Variants in LINGO1 observed in about 807,000 individuals in gnomAD.
LINGO1 encodes leucine-rich repeat and immunoglobulin-like domain-containing nogo receptor-interacting protein 1.
LINGO1 carries 11 observed loss-of-function variants against 37.3 expected under a neutral mutation model. The ratio of observed to expected loss-of-function variants is 0.29; its 90% CI spans 0.19 to 0.49. The LOEUF is 0.49. Ranked by LOEUF, LINGO1 falls within the 20% of genes least tolerant of loss-of-function variation. The pLI is 0.99. For synonymous variants in LINGO1, 387 were observed against 403.0 expected, an observed-to-expected ratio of 0.96 and a Z score of 0.48; for missense variants, 585 against 878.2, an observed-to-expected ratio of 0.67 and a Z score of 4.22.
At chr15:77,633,845 T>G (rs1410976819), upstream of LINGO1, among the ~76,000 whole-genome samples, 1 of 152,178 alleles carries the variant, frequency 6.6e-6, no homozygotes, top group African/African-American at 2.4e-5. Context: ...AGGGATGTCT[T>G]GGCAAAGCCT....
chr15:77,686,028 T>C (rs946979728), intron 2 of LINGO1, among the ~76,000 whole-genome samples: 1 of 152,134 alleles, frequency 6.6e-6, no homozygotes, highest in Non-Finnish European at 1.5e-5. Context: ...GCCCGGCTAT[T>C]TGGAAGCAGC....
upstream of LINGO1, among the ~76,000 whole-genome samples, chr15:77,696,749 A>G (rs965031313): frequency 1.3e-5 from 2 of 152,180 alleles, no homozygotes; most frequent in Non-Finnish European, 2.9e-5. Flanking sequence ...TAGGAGCTTC[A>G]GTTTTAGGAG....
At chr15:77,813,001 G>A (rs1019843558) in intron 1 of LINGO1, among the ~76,000 whole-genome samples, 2 of 152,240 alleles carry the variant, frequency 1.3e-5, no homozygotes, top group African/African-American at 4.8e-5. Flanking sequence ...GGCACTGCAT[G>A]ACCCGGATCA....
Position 77,692,862 on chromosome 15 carries a change from C to A in LINGO1, c.-280-1961G>T, listed in dbSNP as rs78712785. Among the ~76,000 whole-genome samples, 616 of 152,358 alleles carry A rather than the reference C, an allele frequency of 4.0e-3. 7 individuals are homozygous for A. Among genetic ancestry groups the A allele is most frequent in the African/African-American group, 0.014 (592 of 41,582 alleles). On this transcript the variant is annotated intron_variant, in intron 1 of 3. Transcript: ENST00000559893. ...GGCCTCTGCCTCTAGCCCCAGCCAGCCCCATTCCACAGGTGGAGCAACGGA... is the reference window on the plus strand; with the variant it reads ...GGCCTCTGCCTCTAGCCCCAGCCAGACCCATTCCACAGGTGGAGCAACGGA...
chr15:77,746,943 C>G (rs1372556396), intron 1 of LINGO1, among the ~76,000 whole-genome samples: 1 of 152,110 alleles, frequency 6.6e-6, no homozygotes, highest in African/African-American at 2.4e-5. Flanking sequence ...GACCAAAACC[C>G]CCATTGGACA....
At chr15:77,785,221 C>T (rs553906275) in intron 1 of LINGO1, among the ~76,000 whole-genome samples, 2 of 152,288 alleles carry the variant, frequency 1.3e-5, no homozygotes, top group East Asian at 3.9e-4. Context: ...CCTCCCAGCC[C>T]TCTCAGCCCA....
At position 77,680,429 on chromosome 15, in the gene LINGO1, G is replaced by C. The variant is rs60953548; in HGVS notation, c.-98-3255C>G. On this transcript the variant is annotated intron_variant, in intron 2 of 3. Transcript: ENST00000559893. ...CTTGCTGCATATGTTGTTAGAACAC[G>C]TTTGGGTGACTTTCTGAGTGAGAGA... 2.0e-4 allele frequency among the ~76,000 whole-genome samples: 30 copies of C among 152,360 alleles called. No homozygotes were observed. In the East Asian group the frequency reaches 4.8e-3, roughly 24 times the overall value.
intron 1 of LINGO1, among the ~76,000 whole-genome samples, chr15:77,626,383 A>G (rs936889635): frequency 2.6e-5 from 4 of 152,220 alleles, no homozygotes; most frequent in African/African-American, 9.7e-5. Flanking sequence ...GCAGATTATA[A>G]ATAAAACACT....
chr15:77,761,309 C>T (rs1278459978), intron 1 of LINGO1, among the ~76,000 whole-genome samples: 3 of 152,032 alleles, frequency 2.0e-5, no homozygotes, highest in Admixed American at 6.6e-5. Context: ...ATACAGGGAC[C>T]CACCACCAAA....
In LINGO1 at chr15:77,783,799, C is replaced by T. The variant is rs372141181; in HGVS notation, c.-257+3070G>A. 4.4e-4 allele frequency among the ~76,000 whole-genome samples: 67 copies of T among 152,326 alleles called. No individual in the cohort carries two copies. The East Asian group carries it at 0.01, about 23-fold the overall frequency. On this transcript the variant is annotated intron_variant, in intron 1 of 3. Coordinates refer to the LINGO1 transcript ENST00000561686. ...AAAGCAGGGAAGCTAGACCCAAATC[C>T]AGGCTCGCCTGACTCAGGAGCCAGT...
chr15:77,817,865 C>T (rs996282296), intron 1 of LINGO1, among the ~76,000 whole-genome samples: 1 of 152,228 alleles, frequency 6.6e-6, no homozygotes, highest in Non-Finnish European at 1.5e-5. Context: ...ACCGGTCCTG[C>T]ATTCTCACAA....
In LINGO1 at chr15:77,742,096, G is replaced by T. The variant is rs541958078; in HGVS notation, c.-256-7043C>A. On this transcript the variant is annotated intron_variant, in intron 1 of 3. Transcript: ENST00000561686. ...GGGCGGGGCCTACTGCCAGGCACTG[G>T]TAAGATGAGAGGCCAGGCAGAGGGG... Among the ~76,000 whole-genome samples the T allele has an allele frequency of 4.6e-4, 70 of 152,334 alleles. 1 individual carries two copies. The highest frequency in any genetic ancestry group is 1.6e-3 in the African/African-American group (67 of 41,566).
intron 1 of LINGO1, among the ~76,000 whole-genome samples, chr15:77,808,584 G>A (rs944628696): frequency 4.6e-5 from 7 of 152,032 alleles, no homozygotes; most frequent in East Asian, 3.9e-4. Context: ...CACTGCCTTC[G>A]TCCCAGCTGC....
chr15:77,786,685 G>A (rs1245070269), intron 1 of LINGO1, among the ~76,000 whole-genome samples: 1 of 152,186 alleles, frequency 6.6e-6, no homozygotes, highest in Non-Finnish European at 1.5e-5. Flanking sequence ...CTCCTCGAAT[G>A]ACCTTGGCAA....
rs140742336 is a variant in LINGO1 at position 77,681,066 on chromosome 15, C to T, written c.-98-3892G>A. On this transcript the variant is annotated intron_variant, in intron 2 of 3. Coordinates refer to the LINGO1 transcript ENST00000559893. ...AAGACTTGGCTGCAGTGGAATCCACCCACCAAGAATCAACAGGTGTGACTG... is the reference window on the plus strand; with the variant it reads ...AAGACTTGGCTGCAGTGGAATCCACTCACCAAGAATCAACAGGTGTGACTG... Among the ~76,000 whole-genome samples the T allele has an allele frequency of 9.3e-3, 1,418 of 152,198 alleles. 10 individuals carry two copies. Among genetic ancestry groups the T allele is most frequent in the Non-Finnish European group, 0.015 (993 of 68,010 alleles).
chr15:77,786,477 G>C (rs972167703), intron 1 of LINGO1, among the ~76,000 whole-genome samples: 1 of 152,210 alleles, frequency 6.6e-6, no homozygotes, highest in Admixed American at 6.5e-5. Flanking sequence ...CCAGGCCTCT[G>C]GGGAGTGCCT....
chr15:77,624,163 C>CTGTGTGTGTGTG (rs56162459), intron 1 of LINGO1, among the ~76,000 whole-genome samples: 4 of 131,758 alleles, frequency 3.0e-5, no homozygotes, highest in African/African-American at 1.1e-4. Context: ...TGAGTGGCCT[C>CTGTGTGTGTGTG]TGTGTGTGTG....
chr15:77,795,497 G>T (rs529766104), intron 2 of LINGO1, among the ~76,000 whole-genome samples: 1 of 152,232 alleles, frequency 6.6e-6, no homozygotes, highest in South Asian at 2.1e-4. Context: ...CGCTGTCTCT[G>T]GTGTGGAGCC....
At chr15:77,771,878 G>A (rs1424141258) in intron 1 of LINGO1, among the ~76,000 whole-genome samples, 2 of 152,204 alleles carry the variant, frequency 1.3e-5, no homozygotes, top group Admixed American at 6.5e-5. Context: ...GTCCTGGCAG[G>A]CCCCGAGGTC....
Sources: gnomAD v4.1 joint callset for allele counts (sites outside exome capture counted in the v4.1 genomes callset) on GRCh38, gnomAD v4.1.1 for gene constraint, MANE v1.5 for transcripts, NCBI Gene and HGNC (gene_info 2026-07-23, HGNC 2026-07-21) for gene names.